EML6: variants seen among roughly 807,000 people sequenced by gnomAD.
EML6 encodes echinoderm microtubule-associated protein-like 6.
In EML6, 154 loss-of-function variants were observed where a neutral mutation model predicts 240.1. The ratio of observed to expected loss-of-function variants is 0.64; its 90% CI spans 0.56 to 0.73. The LOEUF is 0.73. Ranked by LOEUF, EML6 falls within the 30% of genes least tolerant of loss-of-function variation. The pLI is 0.00. For missense variants in EML6, 2,964 were observed against 2,474.6 expected (o/e 1.20, Z -4.20); for synonymous variants, 1,148 against 899.0 (o/e 1.28, Z -4.95).
chr2:54,861,044 ATTT>A (rs894506522), intron 12 of EML6, among the ~76,000 whole-genome samples: 1 of 151,882 alleles, frequency 6.6e-6, no homozygotes, highest in Non-Finnish European at 1.5e-5. Context: ...TGCAGCTCCC[ATTT>A]TTTTTCTCCA....
At chr2:54,901,633 A>T (rs991605262) in intron 22 of EML6, among the ~76,000 whole-genome samples, 3 of 152,214 alleles carry the variant, frequency 2.0e-5, no homozygotes, top group Admixed American at 1.3e-4. Context: ...ATAGATTGTG[A>T]TTAACCTAAT....
Position 54,847,628 on chromosome 2 carries a change from G to A in EML6, c.1187+5G>A, listed in dbSNP as rs529941190. 12 of 1,551,836 alleles carry A rather than the reference G, an allele frequency of 7.7e-6. No individual in the cohort carries two copies. Among genetic ancestry groups the A allele is most frequent in the Admixed American group, 2.0e-5 (1 of 50,970 alleles). On this transcript the variant is annotated splice_donor_5th_base_variant and intron_variant, in intron 9 of 41. Transcript: ENST00000356458. ...TTTCATTGTTCTCCGAGTCAGGCAC[G>A]TACTGATGTTGAAAATGGTATTTAG... is the stretch of plus-strand genomic sequence containing the variant.
At chr2:54,917,388 G>A (rs12997217) in intron 26 of EML6, among the ~76,000 whole-genome samples, 3,118 of 138,122 alleles carry the variant, frequency 0.023, 41 homozygotes, top group East Asian at 0.035. Context: ...TTTTTGAGAC[G>A]GAGTTTCACT....
At position 54,772,592 on chromosome 2, in the gene EML6, A is replaced by T. The variant is rs1387991358; in HGVS notation, c.198-40640A>T. ...TTGTAAGAGTGGCAAAAATTTACTG[A>T]ATGCCTACCATGTGCTGTGTGTGTA... is the stretch of plus-strand genomic sequence containing the variant. On this transcript the variant is annotated intron_variant, in intron 2 of 41. Coordinates refer to ENST00000356458, the MANE Select transcript of EML6 (RefSeq NM_001039753.4). Among the ~76,000 whole-genome samples the T allele has an allele frequency of 2.0e-5, 3 of 152,208 alleles. No homozygotes were observed. In the East Asian group the frequency reaches 5.8e-4, roughly 29 times the overall value.
chr2:54,880,065 CA>C (rs1671733531), intron 17 of EML6: 1 of 155,064 alleles, frequency 6.4e-6, no homozygotes, highest in South Asian at 2.0e-4. Context: ...AAGGAGGCCC[CA>C]CCGTGTGCAT....
At chr2:54,814,478 A>C (rs1379582565) in intron 3 of EML6, among the ~76,000 whole-genome samples, 1 of 152,120 alleles carries the variant, frequency 6.6e-6, no homozygotes, top group Non-Finnish European at 1.5e-5. Flanking sequence ...TCTCCTCCCT[A>C]AGGCGGGGCC....
chr2:54,860,757 A>G (rs1262952769), intron 12 of EML6, among the ~76,000 whole-genome samples: 1 of 152,190 alleles, frequency 6.6e-6, no homozygotes, highest in Non-Finnish European at 1.5e-5. Context: ...AGGCACTTGC[A>G]GCGGCTTCTT....
intron 5 of EML6, among the ~76,000 whole-genome samples, chr2:54,826,971 G>A (rs1270794864): frequency 1.3e-5 from 2 of 151,684 alleles, no homozygotes; most frequent in East Asian, 1.9e-4. Flanking sequence ...CCAGGAGTTC[G>A]AGACCAGCCT....
intron 2 of EML6, among the ~76,000 whole-genome samples, chr2:54,770,772 A>T (rs527795561): frequency 2.6e-5 from 4 of 152,084 alleles, no homozygotes; most frequent in Admixed American, 2.0e-4. Context: ...TCTTCCCCTT[A>T]TTCCTGTGAC....
At chr2:54,850,467 G>A (rs754683577) in intron 10 of EML6, 3 of 409,020 alleles carry the variant, frequency 7.3e-6, no homozygotes, top group African/African-American at 3.9e-5. Context: ...GGGAGATCGT[G>A]AATGAAATGT....
At chr2:54,863,956 T>C in intron 13 of EML6, 67 bp downstream of exon 13, 1 of 847,146 alleles carries the variant, frequency 1.2e-6, no homozygotes, top group Non-Finnish European at 1.9e-6. Flanking sequence ...GATTTGGACA[T>C]AGCACTAAAA....
chr2:54,916,658 C>T lies in EML6; in HGVS notation c.3499-101C>T, dbSNP rs907185879. The T allele has an allele frequency of 6.4e-6, 6 of 933,786 alleles. No homozygotes were observed. The African/African-American group carries it at 6.6e-5, about 10-fold the overall frequency. The allele number at this position is 933,786 out of a possible 1,614,324, so 57.8% of individuals were successfully genotyped here. Reference sequence around the variant, plus strand: ...CTCAGCACTCAACACAAATGCCTAACGTTGGCAAAGTAATTTAGAATTACT... The same window carrying T: ...CTCAGCACTCAACACAAATGCCTAATGTTGGCAAAGTAATTTAGAATTACT... On this transcript the variant is annotated intron_variant, in intron 25 of 41. Transcript: ENST00000356458.
intron 2 of EML6, among the ~76,000 whole-genome samples, chr2:54,791,830 T>C (rs1669473388): frequency 6.6e-6 from 1 of 152,242 alleles, no homozygotes. Flanking sequence ...GGACAAGTCA[T>C]TTCTCCTCTC....
Position 54,803,171 on chromosome 2 carries a change from CA to C in EML6, c.198-10057del, listed in dbSNP as rs545596124. Among the ~76,000 whole-genome samples, 9 of 152,240 alleles carry C rather than the reference CA, an allele frequency of 5.9e-5. No homozygotes were observed. In the South Asian group the frequency reaches 1.7e-3, roughly 28 times the overall value. ...AGGGAGTTGTTCTTAACCACAAGAGCAAAACAAAAGCCAGAGCTCCGTGTGA... is the reference window on the plus strand; with the variant it reads ...AGGGAGTTGTTCTTAACCACAAGAGCAAACAAAAGCCAGAGCTCCGTGTGA... On this transcript the variant is annotated intron_variant, in intron 2 of 41. Transcript: ENST00000356458.
At chr2:54,850,363 A>G (rs1670008460) in intron 10 of EML6, 145 bp downstream of exon 10, 14 of 663,798 alleles carry the variant, frequency 2.1e-5, no homozygotes, top group Non-Finnish European at 3.0e-5. Context: ...ACCTCAGGGC[A>G]AGGAATGTTT....
intron 2 of EML6, among the ~76,000 whole-genome samples, chr2:54,763,898 G>T (rs963316962): frequency 6.6e-6 from 1 of 152,164 alleles, no homozygotes; most frequent in Admixed American, 6.5e-5. Flanking sequence ...GGGAAGTGAG[G>T]TTCAAGATCT....
intron 2 of EML6, among the ~76,000 whole-genome samples, chr2:54,797,038 A>G (rs1045708308): frequency 1.3e-5 from 2 of 151,716 alleles, no homozygotes; most frequent in African/African-American, 4.8e-5. Flanking sequence ...AGTGGTAGGT[A>G]CCTGTAGTCC....
intron 4 of EML6, among the ~76,000 whole-genome samples, chr2:54,819,217 G>C (rs536052123): frequency 2.6e-5 from 4 of 152,254 alleles, no homozygotes; most frequent in African/African-American, 9.6e-5. Flanking sequence ...CTTTGTCCCT[G>C]ACAAGTAGTC....
At chr2:54,961,155 G>T (rs962672295) in intron 35 of EML6, among the ~76,000 whole-genome samples, 1 of 129,154 alleles carries the variant, frequency 7.7e-6, no homozygotes, top group African/African-American at 3.1e-5. Flanking sequence ...GCAGGACTAT[G>T]CCTGGAGCCT....
Sources: allele counts gnomAD v4.1 joint callset (sites outside exome capture counted in the v4.1 genomes callset), GRCh38; gene constraint gnomAD v4.1.1; transcripts MANE v1.5; gene names NCBI Gene and HGNC (gene_info 2026-07-23, HGNC 2026-07-21).